The following EYS variants were observed in gnomAD, a reference collection of about 807,000 sequenced individuals.
The protein encoded by EYS is protein eyes shut homolog.
In EYS, 250 loss-of-function variants were observed where a neutral mutation model predicts 282.1. The ratio of observed to expected loss-of-function variants is 0.89; its 90% CI spans 0.80 to 0.98. The LOEUF (loss-of-function observed/expected upper bound fraction) is 0.98, where lower values mean the gene tolerates loss of function less well. Among genes scored for constraint, EYS ranks in the 50% least tolerant of loss-of-function variants. The pLI is 0.00. For synonymous variants in EYS, 1,355 were observed against 1,282.9 expected (o/e 1.06, Z -1.20); for missense variants, 4,016 against 3,709.0 (o/e 1.08, Z -2.15).
intron 41 of EYS, among the ~76,000 whole-genome samples, chr6:63,732,472 C>G (rs1397862487): frequency 6.6e-6 from 1 of 151,924 alleles, no homozygotes; most frequent in African/African-American, 2.4e-5. Context: ...TAAACTAGAA[C>G]AGGAAAAATG....
chr6:64,754,559 C>T (rs6925943), intron 22 of EYS, among the ~76,000 whole-genome samples: 87 of 152,154 alleles, frequency 5.7e-4, no homozygotes, highest in African/African-American at 2.0e-3. Flanking sequence ...ACCAATATCA[C>T]TGATTAATAT....
chr6:65,308,053 G>T (rs1316565136), intron 11 of EYS, among the ~76,000 whole-genome samples: 1 of 135,926 alleles, frequency 7.4e-6, no homozygotes, highest in Non-Finnish European at 1.6e-5. Context: ...GCTCACTGCA[G>T]CCTCCACCTC....
At chr6:64,846,323 T>A (rs1475209) in intron 19 of EYS, among the ~76,000 whole-genome samples, 108,002 of 151,996 alleles carry the variant, frequency 0.71, 38,754 homozygotes, top group Admixed American at 0.76. Context: ...ATCATAGTTC[T>A]GGTTATTCCT....
intron 33 of EYS, among the ~76,000 whole-genome samples, chr6:64,060,324 C>T (rs1358909331): frequency 1.3e-5 from 2 of 152,084 alleles, no homozygotes; most frequent in African/African-American, 2.4e-5. Flanking sequence ...GTCTCTTGCT[C>T]ATTCTCCATA....
Position 63,821,470 on chromosome 6 carries a change from TGTATCCCTGAA to T in EYS, c.7229-15109_7229-15099del, listed in dbSNP as rs1163400122. On this transcript the variant is annotated intron_variant, in intron 36 of 42. Coordinates refer to ENST00000503581, the MANE Select transcript of EYS (RefSeq NM_001142800.2). ...GAAACACAACTTGGAGAGCTTAATATGTATCCCTGAAGTTTGAGGAAAGGGGACGTAGTGTA... is the reference window on the plus strand; with the variant it reads ...GAAACACAACTTGGAGAGCTTAATATGTTTGAGGAAAGGGGACGTAGTGTA... 3.3e-5 allele frequency: 5 copies of T among 152,326 alleles called. No individual in the cohort carries two copies. In the East Asian group the frequency reaches 9.6e-4, roughly 29 times the overall value. 9.4% of individuals were successfully genotyped at this position (152,326 alleles called of 1,614,324 possible). A position where few individuals can be genotyped will look rare whatever the true frequency, so the allele number is the denominator to read the frequency against.
chr6:65,149,316 C>T (rs927534782), intron 12 of EYS, among the ~76,000 whole-genome samples: 1 of 152,086 alleles, frequency 6.6e-6, no homozygotes, highest in Non-Finnish European at 1.5e-5. Context: ...TTCCACAGAT[C>T]TCTAGGGCAG....
chr6:64,628,860 G>T (rs1459944814), intron 22 of EYS, among the ~76,000 whole-genome samples: 2 of 152,150 alleles, frequency 1.3e-5, no homozygotes, highest in African/African-American at 4.8e-5. Context: ...CAAAAAAGTT[G>T]CAAGGGTAGC....
At chr6:65,397,741 A>G (rs1400449880) in intron 7 of EYS, among the ~76,000 whole-genome samples, 1 of 151,986 alleles carries the variant, frequency 6.6e-6, no homozygotes, top group Non-Finnish European at 1.5e-5. Context: ...CTATTTTGAT[A>G]TAATGATTCC....
intron 19 of EYS, among the ~76,000 whole-genome samples, chr6:64,873,044 G>A (rs929010610): frequency 6.6e-6 from 1 of 152,050 alleles, no homozygotes; most frequent in Non-Finnish European, 1.5e-5. Flanking sequence ...AACTAAAATA[G>A]AGCATTGTAT....
intron 22 of EYS, among the ~76,000 whole-genome samples, chr6:64,704,325 A>AAT (rs752868263): frequency 2.9e-5 from 3 of 103,136 alleles, no homozygotes; most frequent in South Asian, 3.8e-4. Context: ...ACTATATATA[A>AAT]ATATATATAC....
chr6:63,780,210 G>A (rs550805576), intron 39 of EYS, among the ~76,000 whole-genome samples: 3 of 152,260 alleles, frequency 2.0e-5, no homozygotes, highest in Middle Eastern at 3.4e-3. Context: ...ATAAACATAC[G>A]TGTGCATGTG....
At chr6:65,675,094 G>T (rs1186635175) in intron 1 of EYS, among the ~76,000 whole-genome samples, 2 of 151,432 alleles carry the variant, frequency 1.3e-5, no homozygotes, top group African/African-American at 4.9e-5. Flanking sequence ...TAACTGCAAA[G>T]AAAATATCTA....
At chr6:64,123,843 G>T (rs1773674526) in intron 31 of EYS, among the ~76,000 whole-genome samples, 1 of 152,216 alleles carries the variant, frequency 6.6e-6, no homozygotes, top group Admixed American at 6.5e-5. Flanking sequence ...TTGTGCCTTT[G>T]GTTTAAAAGT....
intron 22 of EYS, among the ~76,000 whole-genome samples, chr6:64,721,183 T>C (rs2149943284): frequency 6.6e-6 from 1 of 152,180 alleles, no homozygotes. Flanking sequence ...GAGCTCACAA[T>C]TCAATAAGAT....
intron 26 of EYS, among the ~76,000 whole-genome samples, chr6:64,517,723 A>G (rs1777605711): frequency 6.6e-6 from 1 of 151,624 alleles, no homozygotes; most frequent in Admixed American, 6.6e-5. Flanking sequence ...AAGGGCTCTC[A>G]GAATAGAAAA....
intron 35 of EYS, among the ~76,000 whole-genome samples, chr6:63,944,317 G>T (rs1366383635): frequency 6.6e-6 from 1 of 152,120 alleles, no homozygotes; most frequent in Admixed American, 6.5e-5. Flanking sequence ...TAATAAATGA[G>T]AAAAATAAGA....
chr6:63,762,734 C>A, intron 40 of EYS, 101 bp from the exon 41 acceptor site: 1 of 1,101,058 alleles, frequency 9.1e-7, no homozygotes, highest in Non-Finnish European at 1.3e-6. Context: ...AACTGAAGTT[C>A]CAAGAGATCA....
At chr6:65,397,494 C>A (rs1015676935) in intron 7 of EYS, among the ~76,000 whole-genome samples, 4 of 151,702 alleles carry the variant, frequency 2.6e-5, no homozygotes, top group Admixed American at 2.6e-4. Flanking sequence ...GGTTCCGAGT[C>A]ATTTCACTTA....
intron 22 of EYS, among the ~76,000 whole-genome samples, chr6:64,758,316 T>C (rs1773024681): frequency 6.6e-6 from 1 of 152,204 alleles, no homozygotes; most frequent in Non-Finnish European, 1.5e-5. Context: ...ACAACTTGAT[T>C]ACAATGTAGG....
Sources: gnomAD v4.1 joint callset for allele counts (sites outside exome capture counted in the v4.1 genomes callset) on GRCh38, gnomAD v4.1.1 for gene constraint, MANE v1.5 for transcripts, NCBI Gene and HGNC (gene_info 2026-07-23, HGNC 2026-07-21) for gene names.